Variants in RIBC2 observed in about 807,000 individuals in gnomAD.
The protein encoded by RIBC2 is RIB43A-like with coiled-coils protein 2.
In RIBC2, 40 loss-of-function variants were observed where a neutral mutation model predicts 44.3. The observed-to-expected ratio is 0.90, with a 90% CI of 0.70 to 1.18. The LOEUF is 1.18. Ranked by LOEUF, RIBC2 falls within the 50% of genes most tolerant of loss-of-function variation. RIBC2 has a pLI of 0.00. For synonymous variants in RIBC2, 171 were observed against 175.0 expected, an observed-to-expected ratio of 0.98 and a Z score of 0.18; for missense variants, 459 against 485.5, an observed-to-expected ratio of 0.95 and a Z score of 0.51.
intron 4 of RIBC2, among the ~76,000 whole-genome samples, chr22:45,425,366 T>G (rs1602118918): frequency 6.6e-6 from 1 of 152,206 alleles, no homozygotes; most frequent in East Asian, 1.9e-4. Context: ...ACATGTCTCC[T>G]AAGCCATCTC....
chr22:45,423,910 C>T (rs1018232003), intron 4 of RIBC2, among the ~76,000 whole-genome samples: 3 of 152,296 alleles, frequency 2.0e-5, no homozygotes, highest in Middle Eastern at 3.4e-3. Flanking sequence ...GGCTGGTGAT[C>T]TGCTCATTCA....
intron 3 of RIBC2, among the ~76,000 whole-genome samples, chr22:45,421,826 A>G (rs933448244): frequency 6.6e-6 from 1 of 151,700 alleles, no homozygotes; most frequent in Admixed American, 6.6e-5. Context: ...CATTGGCCTG[A>G]CCAAGTCCTC....
rs1368634289 is a variant in RIBC2 at position 45,426,127 on chromosome 22, G to C, written c.855G>C (p.Gln285His). The change falls in exon 5 of 7, where the codon CAG becomes CAC. Residue 285 changes from glutamine to histidine, a missense_variant. By Grantham distance (24) the Gln-to-His change is conservative. Coordinates refer to ENST00000614167, the MANE Select transcript of RIBC2 (RefSeq NM_015653.5). ...PDRWKGMTQE[Q>H]LEQIRLVQKQ... ...GCTGGAAGGGCATGACCCAGGAGCA[G>C]CTGGAGCAGATCCGCCTAGTCCAGA... 1.2e-6 allele frequency: 2 copies of C among 1,613,870 alleles called. No individual in the cohort carries two copies. Among genetic ancestry groups the C allele is most frequent in the Non-Finnish European group, 1.7e-6 (2 of 1,180,034 alleles).
intron 6 of RIBC2, among the ~76,000 whole-genome samples, chr22:45,431,740 C>T (rs1042499076): frequency 2.0e-5 from 3 of 152,014 alleles, no homozygotes; most frequent in African/African-American, 7.2e-5. Context: ...GAGGCTGAGG[C>T]GGGCGGATTA....
chr22:45,432,227 A>G, intron 6 of RIBC2, 57 bp from the exon 7 acceptor site: 1 of 919,162 alleles, frequency 1.1e-6, no homozygotes, highest in Non-Finnish European at 1.7e-6. Flanking sequence ...AAAAAAAAAG[A>G]AAGAATAGGA....
chr22:45,421,023 C>T (rs1602114479), intron 3 of RIBC2, among the ~76,000 whole-genome samples: 1 of 152,258 alleles, frequency 6.6e-6, no homozygotes, highest in East Asian at 1.9e-4. Flanking sequence ...CTCTGCCTCC[C>T]AGGTTCAAGT....
chr22:45,425,629 C>G (rs2087526545), intron 4 of RIBC2, among the ~76,000 whole-genome samples: 1 of 152,212 alleles, frequency 6.6e-6, no homozygotes, highest in Non-Finnish European at 1.5e-5. Context: ...TGGGTGGGAC[C>G]AGGCCCACGC....
intron 3 of RIBC2, among the ~76,000 whole-genome samples, chr22:45,419,728 G>A (rs2087459662): frequency 6.8e-6 from 1 of 148,060 alleles, no homozygotes; most frequent in Non-Finnish European, 1.5e-5. Context: ...GTGAAACCCT[G>A]TCTCAAAAAA....
chr22:45,417,859 A>G lies in RIBC2; in HGVS notation c.469A>G (p.Lys157Glu), dbSNP rs771532138. The G allele has an allele frequency of 4.3e-6, 7 of 1,614,146 alleles. 1 individual carries two copies. In the South Asian group the frequency reaches 6.6e-5, roughly 15 times the overall value. The change falls in exon 3 of 7, where the codon AAG (lysine) becomes GAG (glutamate). Residue 157 changes from lysine to glutamate, a missense_variant. By Grantham distance (56) the Lys-to-Glu change is moderately conservative. Transcript: ENST00000614167. ...MGEDLNFHER[K>E]KFQEEQNREW... ...AGAGGATTTAAACTTCCATGAGAGG[A>G]AGAAATTCCAAGAGGAACAAAACAG... is the stretch of plus-strand genomic sequence containing the variant.
Position 45,422,412 on chromosome 22 carries a change from T to G in RIBC2, c.675+4T>G. 1.4e-5 allele frequency: 23 copies of G among 1,606,236 alleles called. No homozygotes were observed. The highest frequency in any genetic ancestry group is 1.9e-5 in the Non-Finnish European group (22 of 1,172,794). On this transcript the variant is annotated splice_donor_region_variant and intron_variant, in intron 4 of 6. Transcript: ENST00000614167. ...GAAAGACTTCAACAAGAGCCAGGTA[T>G]AGGTACTCCGCGACCTCGGGCTCGA...
chr22:45,430,562 G>C (rs1156693331), intron 5 of RIBC2, among the ~76,000 whole-genome samples: 1 of 152,192 alleles, frequency 6.6e-6, no homozygotes, highest in African/African-American at 2.4e-5. Context: ...AGCCCCCTGA[G>C]GACCTGAGAA....
chr22:45,423,046 A>G (rs889534435), intron 4 of RIBC2, among the ~76,000 whole-genome samples: 10 of 152,060 alleles, frequency 6.6e-5, no homozygotes, highest in Non-Finnish European at 1.5e-4. Flanking sequence ...TAGTGGCACG[A>G]TCATGGCTCA....
chr22:45,416,251 A>G (rs773927885), intron 2 of RIBC2, among the ~76,000 whole-genome samples: 1 of 151,630 alleles, frequency 6.6e-6, no homozygotes, highest in African/African-American at 2.4e-5. Context: ...TCCCATACTG[A>G]TGGCTGGTTT....
rs779233003 is a variant in RIBC2, at chr22:45,426,030, G to A, written c.758G>A (p.Arg253His). The A allele has an allele frequency of 9.3e-6, 15 of 1,613,974 alleles. No individual in the cohort carries two copies. The highest frequency in any genetic ancestry group is 5.0e-5 in the Admixed American group (3 of 59,996). The change falls in exon 5 of 7, where the codon CGT (arginine) becomes CAT (histidine). Residue 253 changes from arginine (R) to histidine (H), a missense_variant. By Grantham distance (29) the Arg-to-His change is conservative (BLOSUM62 0). Coordinates refer to ENST00000614167, the MANE Select transcript of RIBC2 (RefSeq NM_015653.5). ...TTGGCCGAGATCACCAACCTCCTGC[G>A]TGGGGACCTGCTCTCCGAGAACCCG... Reference protein sequence around the residue: ...DNLAEITNLLRGDLLSENPQQ... With the variant: ...DNLAEITNLLHGDLLSENPQQ...
In RIBC2 at chr22:45,432,410, C is replaced by A. The variant is rs748387141; in HGVS notation, c.*48C>A. ...GTCATTCACGTATAAAGAGTGGCTACCTTAAAGAGTCACGTTTCTTTTTTA... is the reference window on the plus strand; with the variant it reads ...GTCATTCACGTATAAAGAGTGGCTAACTTAAAGAGTCACGTTTCTTTTTTA... On this transcript the variant is annotated 3_prime_UTR_variant, in exon 7 of 7. Coordinates refer to ENST00000614167, the MANE Select transcript of RIBC2 (RefSeq NM_015653.5). 3.2e-6 allele frequency: 4 copies of A among 1,242,286 alleles called. No individual in the cohort carries two copies. The highest frequency in any genetic ancestry group is 1.3e-5 in the South Asian group (1 of 77,780). The allele number at this position is 1,242,286 out of a possible 1,614,324, so 77.0% of individuals were successfully genotyped here. A position where few individuals can be genotyped will look rare whatever the true frequency, so the allele number is the denominator to read the frequency against.
At position 45,432,292 on chromosome 22, in the gene RIBC2, A is replaced by G. The variant is rs1198446529; in HGVS notation, c.1079A>G (p.Tyr360Cys). Residue 360 changes from tyrosine to cysteine, a missense_variant, in exon 7 of 7, where the codon TAT becomes TGT. By Grantham distance (194) the Tyr-to-Cys change is radical (BLOSUM62 -2). Transcript: ENST00000614167. ...TCTCATTTTGTTATCAGGAAAAAAT[A>G]TATGAATGAAGTCTATACAAATCAA... ...LAKEQHLQKK[Y>C]MNEVYTNQPT... 2.6e-6 allele frequency: 4 copies of G among 1,553,462 alleles called. No individual in the cohort carries two copies. Among genetic ancestry groups the G allele is most frequent in the Non-Finnish European group, 3.5e-6 (4 of 1,136,570 alleles).
chr22:45,415,240 A>G (rs1020369351), intron 2 of RIBC2, among the ~76,000 whole-genome samples: 2 of 151,728 alleles, frequency 1.3e-5, no homozygotes, highest in Non-Finnish European at 2.9e-5. Flanking sequence ...TTTAAACACC[A>G]TAAAGATTTT....
intron 5 of RIBC2, among the ~76,000 whole-genome samples, chr22:45,430,398 G>T (rs1202423433): frequency 2.0e-5 from 3 of 152,214 alleles, no homozygotes; most frequent in Non-Finnish European, 2.9e-5. Context: ...CAACTCAGGG[G>T]TTGGGGTGCC....
chr22:45,419,909 C>T (rs1351615947), intron 3 of RIBC2, among the ~76,000 whole-genome samples: 1 of 152,096 alleles, frequency 6.6e-6, no homozygotes, highest in East Asian at 1.9e-4. Context: ...GCCTGTAGTC[C>T]CAGCTACTCG....
Sources: gnomAD v4.1 joint callset for allele counts (sites outside exome capture counted in the v4.1 genomes callset) on GRCh38, gnomAD v4.1.1 for gene constraint, MANE v1.5 for transcripts, NCBI Gene and HGNC (gene_info 2026-07-23, HGNC 2026-07-21) for gene names.